Variants in RYR1 observed in about 807,000 individuals in gnomAD.
RYR1 encodes central core disease of muscle.
RYR1 carries 342 observed loss-of-function variants against 583.5 expected under a neutral mutation model. The observed-to-expected ratio is 0.59, with a 90% CI of 0.54 to 0.64. RYR1 has a LOEUF of 0.64. RYR1 is among the 30% of genes least tolerant of loss of function. The pLI is 0.00. For missense variants in RYR1, 6,032 were observed against 6,917.2 expected, an observed-to-expected ratio of 0.87 and a Z score of 4.54; for synonymous variants, 2,791 against 2,822.5, an observed-to-expected ratio of 0.99 and a Z score of 0.35.
rs1195725551 is a variant in RYR1, at chr19:38,583,297, C to CAA, written c.14647-1631_14647-1630dup. Among the ~76,000 whole-genome samples the CAA allele has an allele frequency of 1.2e-3, 80 of 67,550 alleles. 1 individual carries two copies. The highest frequency in any genetic ancestry group is 3.8e-3 in the African/African-American group (75 of 19,482). The allele number at this position is 67,550 out of a possible 152,430, so 44.3% of individuals were successfully genotyped here. The stretch of plus-strand genomic sequence containing the variant: ...GGGCAACAAGAGCAAAACTCCATCT[C>CAA]AAAAAAAAAAAAAAAAGAAAAAAGT... On this transcript the variant is annotated intron_variant, in intron 101 of 105. Transcript: ENST00000359596.
rs776027265 is a variant in RYR1 at position 38,586,077 on chromosome 19, C to G, written c.14869-14C>G. The G allele has an allele frequency of 3.7e-6, 6 of 1,614,122 alleles. No individual in the cohort carries two copies. The highest frequency in any genetic ancestry group is 5.1e-6 in the Non-Finnish European group (6 of 1,179,990). On this transcript the variant is annotated splice_polypyrimidine_tract_variant and intron_variant, in intron 103 of 105. Transcript: ENST00000359596. ...CAAGTGGGCCTCCACTCTGATGTCT[C>G]TTGCCACTCACAGACCAAGTGCTTC...
rs1437972407 is a variant in RYR1, at chr19:38,528,921, C to T, written c.11035-30C>T. 1.0e-5 allele frequency: 16 copies of T among 1,600,180 alleles called. No homozygotes were observed. The South Asian group carries it at 1.5e-4, about 15-fold the overall frequency. On this transcript the variant is annotated intron_variant, in intron 75 of 105. Coordinates refer to ENST00000359596, the MANE Select transcript of RYR1 (RefSeq NM_000540.3). ...AGTGACAGGAGGGGACTCTAGAAAC[C>T]CTCTCCCCAAGTCTCCCCTCTCCCA...
intron 60 of RYR1, among the ~76,000 whole-genome samples, chr19:38,511,136 AAAT>A: frequency 6.6e-6 from 1 of 152,066 alleles, no homozygotes; most frequent in Admixed American, 6.6e-5. Flanking sequence ...TTTCTACAAA[AAAT>A]ACAAAAATTA....
intron 67 of RYR1, among the ~76,000 whole-genome samples, chr19:38,521,137 TAGTC>T (rs1217119872): frequency 6.6e-6 from 1 of 151,584 alleles, no homozygotes; most frequent in Non-Finnish European, 1.5e-5. Flanking sequence ...ATACAAAAAT[TAGTC>T]AGGCATGGTG....
intron 34 of RYR1, among the ~76,000 whole-genome samples, chr19:38,486,597 TC>T (rs1969310806): frequency 6.6e-6 from 1 of 152,214 alleles, no homozygotes; most frequent in Admixed American, 6.5e-5. Context: ...CACCTTGGCC[TC>T]CCAAAGTGCT....
In RYR1 at chr19:38,561,513, C is replaced by A; in HGVS notation, c.12624+59C>A. On this transcript the variant is annotated intron_variant, in intron 90 of 105. Transcript: ENST00000359596. This position sits in a 1 kb window ranked among gnomAD's most constrained non-coding sequence, Gnocchi z 4.8. ...CTGGGGCTTCGGGCATGCGGGTGCT[C>A]ACTTCCTGCACCCTCAGACCCCACG... 3 of 1,499,942 alleles carry A rather than the reference C, an allele frequency of 2.0e-6. No individual in the cohort carries two copies. The highest frequency in any genetic ancestry group is 2.4e-5 in the South Asian group (2 of 82,394). The allele number at this position is 1,499,942 out of a possible 1,614,324, so 92.9% of individuals were successfully genotyped here.
Position 38,496,988 on chromosome 19 carries a change from G to A in RYR1, c.6891+34G>A, listed in dbSNP as rs750125442. On this transcript the variant is annotated intron_variant, in intron 42 of 105. Transcript: ENST00000359596. The surrounding 1 kb of genome is among the most constrained non-coding windows in gnomAD (Gnocchi z 4.8). ...GGCAGGGCTGGGCCCCAGGCCTAAG[G>A]GAGGAAATCGGGCCGCTACCCGGCT... 1 of 1,576,114 alleles carries A rather than the reference G, an allele frequency of 6.3e-7. No homozygotes were observed. The highest frequency in any genetic ancestry group is 1.1e-5 in the South Asian group (1 of 90,204).
At chr19:38,464,307 A>G (rs1396737688) in intron 22 of RYR1, among the ~76,000 whole-genome samples, 8 of 138,408 alleles carry the variant, frequency 5.8e-5, no homozygotes, top group South Asian at 4.5e-4. Context: ...AAAAAAAAAA[A>G]AAGAAGCAAA....
chr19:38,459,078 C>T (rs547641224), intron 18 of RYR1, 68 bp from the exon 19 acceptor site: 2 of 1,399,180 alleles, frequency 1.4e-6, no homozygotes, highest in African/African-American at 1.4e-5. Flanking sequence ...ATATCTGTCC[C>T]TTTTCTCTTG....
At position 38,455,212 on chromosome 19, in the gene RYR1, G is replaced by T. The variant is rs200098574; in HGVS notation, c.1441-23G>T. 54 of 1,613,734 alleles carry T rather than the reference G, an allele frequency of 3.3e-5. No individual in the cohort carries two copies. In the Admixed American group the frequency reaches 6.3e-4, roughly 19 times the overall value. On this transcript the variant is annotated intron_variant, in intron 13 of 105. Transcript: ENST00000359596. ...GAGGGCCTGGGTCTCCTATTGTGAT[G>T]CCTCTTATTTTCCTCATCCTAGGGG...
chr19:38,459,380 G>C, intron 19 of RYR1, 42 bp downstream of exon 19: 1 of 1,589,454 alleles, frequency 6.3e-7, no homozygotes, highest in Non-Finnish European at 8.6e-7. Context: ...CTCAGACCTA[G>C]GACTGACCTG....
At position 38,448,692 on chromosome 19, in the gene RYR1, G is replaced by A. The variant is rs587784371; in HGVS notation, c.1001G>A (p.Gly334Asp). Residue 334 changes from glycine (G) to aspartate (D), a missense_variant, in exon 11 of 106, where the codon GGC becomes GAC. By Grantham distance (94) the Gly-to-Asp change is moderately conservative. Around this residue, in one of 11 missense-constraint regions of RYR1, gnomAD observed 338 missense variants for 441.6 expected, o/e 0.77. Coordinates refer to ENST00000359596, the MANE Select transcript of RYR1 (RefSeq NM_000540.3). ...CCCAAGCGGGATGTGGAGGGCATGG[G>A]CCCCCCTGAGATCAAGTACGGGGAG... ...VAPKRDVEGMGPPEIKYGESL... is the reference protein window; with the variant it reads ...VAPKRDVEGMDPPEIKYGESL... The A allele has an allele frequency of 4.3e-6, 7 of 1,614,212 alleles. No homozygotes were observed. Among genetic ancestry groups the A allele is most frequent in the Admixed American group, 3.3e-5 (2 of 60,024 alleles).
In RYR1 at chr19:38,585,111, G is replaced by A. The variant is rs762591654; in HGVS notation, c.14803+12G>A. On this transcript the variant is annotated intron_variant, in intron 102 of 105. Transcript: ENST00000359596. Reference sequence around the variant, plus strand: ...GGCCATCATCCAGGGTCAGTGCTGGGAGTGGGCGCTCAGGGCCCGGAGGCA... The same window carrying A: ...GGCCATCATCCAGGGTCAGTGCTGGAAGTGGGCGCTCAGGGCCCGGAGGCA... 1.5e-5 allele frequency: 25 copies of A among 1,613,292 alleles called. No individual in the cohort carries two copies. In the South Asian group the frequency reaches 2.3e-4, roughly 15 times the overall value.
intron 89 of RYR1, among the ~76,000 whole-genome samples, chr19:38,555,085 G>A (rs1052031517): frequency 1.3e-5 from 2 of 151,752 alleles, no homozygotes; most frequent in Admixed American, 6.6e-5. Flanking sequence ...CCCAGCCCCC[G>A]GTAACCACTG....
chr19:38,472,866 A>G (rs1031426551), intron 27 of RYR1, among the ~76,000 whole-genome samples: 1 of 148,980 alleles, frequency 6.7e-6, no homozygotes, highest in Middle Eastern at 3.3e-3. Context: ...AAGAAGTCTG[A>G]GAACAAAGAA....
chr19:38,473,463 G>A lies in RYR1; in HGVS notation c.3852G>A (p.Glu1284=). 1 of 1,613,974 alleles carries A rather than the reference G, an allele frequency of 6.2e-7. No homozygotes were observed. The highest frequency in any genetic ancestry group is 8.5e-7 in the Non-Finnish European group (1 of 1,179,970). The change falls in exon 28 of 106, where the codon GAG becomes GAA. Residue 1284 remains glutamate, a synonymous_variant. Transcript: ENST00000359596. ...GGGGCTCCCAGAACAGCCTGGTGGA[G>A]ATGCTTTTCCTGCGGCTGAGCCTCC... The part of the protein sequence containing the change: ...RTWGSQNSLV[E]MLFLRLSLPV...
chr19:38,485,481 A>G (rs1032840520), intron 33 of RYR1, 109 bp from the exon 34 acceptor site: 5 of 1,453,702 alleles, frequency 3.4e-6, no homozygotes, highest in Non-Finnish European at 4.8e-6. Context: ...GGAAAGACGA[A>G]TGAATAAATG....
chr19:38,565,265 C>G lies in RYR1; in HGVS notation c.12931C>G (p.Arg4311Gly). The change falls in exon 91 of 106, where the codon CGC becomes GGC. Residue 4311 changes from arginine (R) to glycine (G), a missense_variant. Around this residue, in one of 11 missense-constraint regions of RYR1, gnomAD observed 753 missense variants for 759.6 expected, o/e 0.99. Transcript: ENST00000359596. The surrounding 1 kb of genome is among the most constrained non-coding windows in gnomAD (Gnocchi z 4.7). ...CCGGGCCCTGCGAGGCCTCAGCTAC[C>G]GCAGCCTGCGGCGGCGCGTGCGGCG... ...AGRALRGLSY[R>G]SLRRRVRRLR... is the part of the protein sequence containing the mutation. The G allele has an allele frequency of 1.0e-6, 1 of 993,806 alleles. No homozygotes were observed. Among genetic ancestry groups the G allele is most frequent in the South Asian group, 4.5e-5 (1 of 22,236 alleles). 61.6% of individuals were successfully genotyped at this position (993,806 alleles called of 1,614,324 possible).
chr19:38,435,506 C>T (rs974412316), intron 1 of RYR1, among the ~76,000 whole-genome samples: 6 of 152,190 alleles, frequency 3.9e-5, no homozygotes, highest in East Asian at 1.9e-4. Context: ...CCAAGGTGAG[C>T]GGATCACTTG....
Sources: gnomAD v4.1 joint callset for allele counts (sites outside exome capture counted in the v4.1 genomes callset) on GRCh38, gnomAD v4.1.1 for gene constraint, gnomAD v4.1.1 regional missense constraint, Gnocchi (gnomAD v3.1) non-coding constraint, MANE v1.5 for transcripts, NCBI Gene and HGNC (gene_info 2026-07-23, HGNC 2026-07-21) for gene names.